KRT39: variants seen among roughly 807,000 people sequenced by gnomAD.
KRT39 encodes the protein keratin, type I cytoskeletal 39.
KRT39 carries 47 observed loss-of-function variants against 54.8 expected under a neutral mutation model. The ratio of observed to expected loss-of-function variants is 0.86; its 90% CI spans 0.68 to 1.09. The LOEUF (loss-of-function observed/expected upper bound fraction) is 1.09, where lower values mean the gene tolerates loss of function less well. Ranked by LOEUF, KRT39 falls within the 50% of genes least tolerant of loss-of-function variation. The pLI is 0.00. For missense variants in KRT39, 580 were observed against 598.5 expected, an observed-to-expected ratio of 0.97 and a Z score of 0.32; for synonymous variants, 207 against 227.9, an observed-to-expected ratio of 0.91 and a Z score of 0.83.
chr17:40,962,723 G>A (rs1911207526), intron 3 of KRT39, among the ~76,000 whole-genome samples, 160 bp from the exon 4 acceptor site: 1 of 152,150 alleles, frequency 6.6e-6, no homozygotes, highest in Admixed American at 6.5e-5. Flanking sequence ...GCTATAAAAT[G>A]ATTTAAGACT....
Position 40,960,297 on chromosome 17 carries a change from C to T in KRT39, c.1201G>A (p.Glu401Lys). ...TTTACATACTTGCCATCCGAGCTCTCCAGAAGGCTGCGGTATGTGGTAATC... is the reference window on the plus strand; with the variant it reads ...TTTACATACTTGCCATCCGAGCTCTTCAGAAGGCTGCGGTATGTGGTAATC... ...CEITTYRSLL[E>K]SSDGKRPCYP... is the part of the protein sequence containing the mutation. The change falls in exon 6 of 7, where the codon GAG becomes AAG. Residue 401 changes from glutamate (E) to lysine (K), a missense_variant. Physicochemically the swap from Glu to Lys is moderately conservative, Grantham distance 56 (BLOSUM62 1). Transcript: ENST00000355612. The T allele has an allele frequency of 6.2e-7, 1 of 1,612,948 alleles. No individual in the cohort carries two copies.
intron 1 of KRT39, among the ~76,000 whole-genome samples, chr17:40,965,739 G>A (rs1170876929): frequency 6.6e-6 from 1 of 152,134 alleles, no homozygotes; most frequent in Non-Finnish European, 1.5e-5. Flanking sequence ...ACTCATTAAA[G>A]CAAAATTTAT....
Position 40,964,481 on chromosome 17 carries a change from G to A in KRT39, c.516C>T (p.Asp172=), listed in dbSNP as rs754950276. ...AENSRLVSQI[D]NTKLTADDLR... is the part of the protein sequence containing the mutation. ...AGTCATCTGCAGTCAGTTTGGTGTT[G>A]TCAATTTGCGAGACCAGTCTGGAAT... The change falls in exon 2 of 7, where the codon GAC becomes GAT. Residue 172 remains aspartate (D), a synonymous_variant. Transcript: ENST00000355612. The A allele has an allele frequency of 3.7e-6, 6 of 1,613,992 alleles. No individual in the cohort carries two copies. The highest frequency in any genetic ancestry group is 5.1e-6 in the Non-Finnish European group (6 of 1,180,002).
Position 40,966,466 on chromosome 17 carries a change from C to T in KRT39, c.391G>A (p.Glu131Lys). ...AGAACAGGGAGCTCTTTGTTACTTT[C>T]TTCCTGGATTTTAGATTCCAGTTCA... Reference protein sequence around the residue: ...NAELESKIQEESNKELPVLCP... With the variant: ...NAELESKIQEKSNKELPVLCP... Residue 131 changes from glutamate to lysine, a missense_variant, in exon 1 of 7, where the codon GAA becomes AAA. By Grantham distance (56) the Glu-to-Lys change is moderately conservative. Transcript: ENST00000355612. The T allele has an allele frequency of 1.2e-6, 2 of 1,614,156 alleles. No individual in the cohort carries two copies.
chr17:40,962,310 G>C, intron 4 of KRT39, 23 bp from the exon 5 acceptor site: 1 of 1,613,538 alleles, frequency 6.2e-7, no homozygotes, highest in Non-Finnish European at 8.5e-7. Context: ...GCCAGAGACT[G>C]AGAATATTAT....
rs1567833246 is a variant in KRT39, at chr17:40,962,491, G to GGTCA, written c.777_780dup (p.Leu261Ter). The GGTCA allele has an allele frequency of 6.2e-7, 1 of 1,614,036 alleles. No individual in the cohort carries two copies. Among genetic ancestry groups the GGTCA allele is most frequent in the African/African-American group, 1.3e-5 (1 of 74,906 alleles). ...CTCATTTCTTGTAGAACCTGGTTTA[G>GGTCA]GTCAGCAGAAGGGGCAGCAGTCACT... On this transcript the variant is annotated stop_gained and frameshift_variant, in exon 4 of 7. Coordinates refer to ENST00000355612, the MANE Select transcript of KRT39 (RefSeq NM_213656.4). LOFTEE classifies it high-confidence loss of function.
At chr17:40,965,061 G>T (rs1911322641) in intron 1 of KRT39, among the ~76,000 whole-genome samples, 1 of 151,894 alleles carries the variant, frequency 6.6e-6, no homozygotes, top group Non-Finnish European at 1.5e-5. Context: ...AAAATTAGCT[G>T]GGCGTGGTGG....
Position 40,960,163 on chromosome 17 carries a change from C to T in KRT39, c.1217+118G>A, listed in dbSNP as rs986846140. Reference sequence around the variant, plus strand: ...GGGTGTGTGGATGCCTCTGTCCAAGCTCCCCATCACTGGCAAGAAGGTCAA... The same window carrying T: ...GGGTGTGTGGATGCCTCTGTCCAAGTTCCCCATCACTGGCAAGAAGGTCAA... On this transcript the variant is annotated intron_variant, in intron 6 of 6. Transcript: ENST00000355612. 27 of 814,090 alleles carry T rather than the reference C, an allele frequency of 3.3e-5. No homozygotes were observed. The South Asian group carries it at 3.9e-4, about 12-fold the overall frequency. The allele number at this position is 814,090 out of a possible 1,614,324, so 50.4% of individuals were successfully genotyped here. A position where few individuals can be genotyped will look rare whatever the true frequency, so the allele number is the denominator to read the frequency against.
At position 40,963,638 on chromosome 17, in the gene KRT39, T is replaced by C; in HGVS notation, c.697A>G (p.Asn233Asp). 1 of 1,606,030 alleles carries C rather than the reference T, an allele frequency of 6.2e-7. No homozygotes were observed. The highest frequency in any genetic ancestry group is 8.5e-7 in the Non-Finnish European group (1 of 1,173,596). ...LKEELLCLKN[N>D]HKEEINSLQC... Reference sequence around the variant, plus strand: ...GGTCTTTGTCTCACCTCTTTGTGGTTGTTCTTGAGGCAAAGGAGCTCCTCT... The same window carrying C: ...GGTCTTTGTCTCACCTCTTTGTGGTCGTTCTTGAGGCAAAGGAGCTCCTCT... The change falls in exon 3 of 7, where the codon AAC becomes GAC. Residue 233 changes from asparagine (N) to aspartate (D), a missense_variant. By Grantham distance (23) the Asn-to-Asp change is conservative (BLOSUM62 1). Coordinates refer to ENST00000355612, the MANE Select transcript of KRT39 (RefSeq NM_213656.4).
intron 6 of KRT39, among the ~76,000 whole-genome samples, chr17:40,959,079 T>G (rs1465918732): frequency 6.6e-6 from 1 of 152,232 alleles, no homozygotes; most frequent in Non-Finnish European, 1.5e-5. Flanking sequence ...TTCGATTATG[T>G]AAGTTTCCAT....
rs995804125 is a variant in KRT39 at position 40,964,394 on chromosome 17, G to A, written c.551+52C>T. On this transcript the variant is annotated intron_variant, in intron 2 of 6. Coordinates refer to ENST00000355612, the MANE Select transcript of KRT39 (RefSeq NM_213656.4). Reference sequence around the variant, plus strand: ...GGGACAATTTTGTTGAGGGCATCTCGGTCAGACTCAGGGTGAGCTCTGTCA... The same window carrying A: ...GGGACAATTTTGTTGAGGGCATCTCAGTCAGACTCAGGGTGAGCTCTGTCA... 8 of 1,501,198 alleles carry A rather than the reference G, an allele frequency of 5.3e-6. No homozygotes were observed. In the East Asian group the frequency reaches 9.0e-5, roughly 17 times the overall value. 93.0% of individuals were successfully genotyped at this position (1,501,198 alleles called of 1,614,324 possible).
rs141334199 is a variant in KRT39, at chr17:40,965,872, A to G, written c.468+517T>C. Among the ~76,000 whole-genome samples the G allele has an allele frequency of 4.5e-3, 687 of 152,256 alleles. 7 individuals carry two copies. The highest frequency in any genetic ancestry group is 0.016 in the African/African-American group (663 of 41,540). On this transcript the variant is annotated intron_variant, in intron 1 of 6. Transcript: ENST00000355612. ...TGTATTTCTGGAGAAAGGAAACACCATGAGACTCTTCTTTTTGTTTCTGAT... is the reference window on the plus strand; with the variant it reads ...TGTATTTCTGGAGAAAGGAAACACCGTGAGACTCTTCTTTTTGTTTCTGAT...
intron 5 of KRT39, among the ~76,000 whole-genome samples, chr17:40,961,215 C>T (rs535273999): frequency 3.3e-5 from 5 of 151,828 alleles, no homozygotes; most frequent in South Asian, 4.2e-4. Flanking sequence ...CAATGTTTTA[C>T]CATATACAAT....
chr17:40,963,489 T>A, intron 3 of KRT39, 138 bp downstream of exon 3: 1 of 728,608 alleles, frequency 1.4e-6, no homozygotes, highest in Non-Finnish European at 2.1e-6. Context: ...ATAAATTACC[T>A]ACTCTCAGTT....
chr17:40,958,847 G>A lies in KRT39; in HGVS notation c.1230C>T (p.Tyr410=). Residue 410 remains tyrosine (Y), a synonymous_variant, in exon 7 of 7, where the codon TAC becomes TAT. Coordinates refer to ENST00000355612, the MANE Select transcript of KRT39 (RefSeq NM_213656.4). ...LESSDGKRPC[Y]PRATKCEPSP... is the part of the protein sequence containing the mutation. ...AAGGCTCACATTTGGTGGCACGTGG[G>A]TAACAGGGACGCCTAAGGAAAAAAA... 2 of 1,595,880 alleles carry A rather than the reference G, an allele frequency of 1.3e-6. No homozygotes were observed. The highest frequency in any genetic ancestry group is 1.7e-6 in the Non-Finnish European group (2 of 1,169,996).
intron 5 of KRT39, among the ~76,000 whole-genome samples, chr17:40,961,916 C>A (rs1245690203): frequency 6.6e-6 from 1 of 152,202 alleles, no homozygotes; most frequent in Non-Finnish European, 1.5e-5. Context: ...CCATATACCC[C>A]CTTCCTGGAG....
chr17:40,961,806 CAGT>C (rs1911161572), intron 5 of KRT39, among the ~76,000 whole-genome samples: 1 of 152,168 alleles, frequency 6.6e-6, no homozygotes, highest in African/African-American at 2.4e-5. Context: ...AATGCTCTCC[CAGT>C]GTTTCCCAAA....
At chr17:40,962,691 G>T (rs1454123133) in intron 3 of KRT39, 128 bp from the exon 4 acceptor site, 2 of 737,888 alleles carry the variant, frequency 2.7e-6, no homozygotes, top group East Asian at 2.5e-5. Context: ...AGGAATACAT[G>T]ATTTACAGGT....
chr17:40,966,837 G>A lies in KRT39; in HGVS notation c.20C>T (p.Thr7Ile). The part of the protein sequence containing the change: MDTKGC[T>I]TTNSPSTPCQ... Reference sequence around the variant, plus strand: ...TGGGGTTGAAGGAGAATTGGTTGTTGTACAGCCCTTGGTGTCCATAGTATG... The same window carrying A: ...TGGGGTTGAAGGAGAATTGGTTGTTATACAGCCCTTGGTGTCCATAGTATG... Residue 7 changes from threonine to isoleucine, a missense_variant, in exon 1 of 7, where the codon ACA becomes ATA. Coordinates refer to ENST00000355612, the MANE Select transcript of KRT39 (RefSeq NM_213656.4). 6.2e-7 allele frequency: 1 copy of A among 1,612,188 alleles called. No individual in the cohort carries two copies. Among genetic ancestry groups the A allele is most frequent in the Non-Finnish European group, 8.5e-7 (1 of 1,178,622 alleles).
Sources: allele counts gnomAD v4.1 joint callset (sites outside exome capture counted in the v4.1 genomes callset), GRCh38; gene constraint gnomAD v4.1.1; transcripts MANE v1.5; gene names NCBI Gene and HGNC (gene_info 2026-07-23, HGNC 2026-07-21).